The following LMNTD1 variants were observed in gnomAD, a reference collection of about 807,000 sequenced individuals.
LMNTD1 encodes lamin tail domain containing 1.
Under a neutral mutation model 50.9 loss-of-function variants are expected in LMNTD1, and 35 were observed. The ratio of observed to expected loss-of-function variants is 0.69; its 90% CI spans 0.53 to 0.91. LMNTD1 has a LOEUF of 0.91. Among genes scored for constraint, LMNTD1 ranks in the 40% least tolerant of loss-of-function variants. LMNTD1 has a pLI of 0.00. For synonymous variants in LMNTD1, 153 were observed against 161.9 expected (o/e 0.94, Z 0.42); for missense variants, 470 against 475.5 (o/e 0.99, Z 0.11).
intron 1 of LMNTD1, among the ~76,000 whole-genome samples, chr12:25,627,838 G>A (rs977370338): frequency 3.3e-4 from 50 of 152,012 alleles, no homozygotes; most frequent in Non-Finnish European, 3.2e-4. Flanking sequence ...GGCCGGGCGC[G>A]GTGGCTCACG....
At chr12:25,614,181 C>CT (rs1269673879) in intron 1 of LMNTD1, among the ~76,000 whole-genome samples, 2 of 151,972 alleles carry the variant, frequency 1.3e-5, no homozygotes, top group African/African-American at 4.8e-5. Flanking sequence ...GCGATGTCCT[C>CT]TTTTTTTTCT....
chr12:25,609,882 CA>C (rs1946204063), intron 1 of LMNTD1, among the ~76,000 whole-genome samples: 1 of 152,202 alleles, frequency 6.6e-6, no homozygotes, highest in Non-Finnish European at 1.5e-5. Context: ...TCAGAGCTGT[CA>C]GACAGGGATG....
Position 25,487,808 on chromosome 12 carries a change from G to T in LMNTD1, c.*23-11348C>A, listed in dbSNP as rs1202011891. ...TTTCCATGTTTAGCGCTTCCTTCAG[G>T]AGCTTTTAGGGCAGGCCTGGTGGTG... On this transcript the variant is annotated intron_variant, in intron 9 of 9. Coordinates refer to ENST00000458174, the MANE Select transcript of LMNTD1 (RefSeq NM_001145728.2). Among the ~76,000 whole-genome samples the T allele has an allele frequency of 5.6e-4, 45 of 79,932 alleles. 15 individuals are homozygous for T. Among genetic ancestry groups the T allele is most frequent in the Non-Finnish European group, 2.2e-4 (9 of 41,452 alleles). The allele number at this position is 79,932 out of a possible 152,430, so 52.4% of individuals were successfully genotyped here.
intron 1 of LMNTD1, among the ~76,000 whole-genome samples, chr12:25,614,574 G>T (rs1439583859): frequency 1.3e-5 from 2 of 152,120 alleles, no homozygotes; most frequent in African/African-American, 4.8e-5. Context: ...TCCTCCTAAA[G>T]TTAGTTTTCA....
intron 1 of LMNTD1, among the ~76,000 whole-genome samples, chr12:25,639,092 C>T (rs1946897304): frequency 1.3e-5 from 2 of 152,190 alleles, no homozygotes; most frequent in Non-Finnish European, 2.9e-5. Flanking sequence ...ACAAATTATA[C>T]CCAGATAACT....
chr12:25,519,586 T>TTTAAAAAAAAAAAAAAAA (rs781742784), intron 7 of LMNTD1, among the ~76,000 whole-genome samples: 1 of 74,940 alleles, frequency 1.3e-5, no homozygotes, highest in Non-Finnish European at 2.3e-5. Context: ...AGACTCTGTC[T>TTTAAAAAAAAAAAAAAAA]CAAAAAAAAA....
Position 25,615,808 on chromosome 12 carries a change from C to T in LMNTD1, c.58+32686G>A, listed in dbSNP as rs11616151. On this transcript the variant is annotated intron_variant, in intron 1 of 7. Coordinates refer to the LMNTD1 transcript ENST00000445693. ...ATAATTAGAACTTGAGTTGTCATAACAAAATATTAACAGTGTAAGTTGTTA... is the reference window on the plus strand; with the variant it reads ...ATAATTAGAACTTGAGTTGTCATAATAAAATATTAACAGTGTAAGTTGTTA... 8.5e-3 allele frequency among the ~76,000 whole-genome samples: 1,298 copies of T among 152,158 alleles called. 23 individuals carry two copies. The highest frequency in any genetic ancestry group is 0.063 in the East Asian group (327 of 5,184).
chr12:25,506,162 C>T lies in LMNTD1; in HGVS notation c.1190-2362G>A, dbSNP rs77916608. Among the ~76,000 whole-genome samples the T allele has an allele frequency of 5.6e-3, 846 of 152,330 alleles. 4 individuals are homozygous for T. Among genetic ancestry groups the T allele is most frequent in the South Asian group, 7.9e-3 (38 of 4,832 alleles). On this transcript the variant is annotated intron_variant, in intron 8 of 9. Transcript: ENST00000458174. The stretch of plus-strand genomic sequence containing the variant: ...CTATAGATATGATCTTAATGTGGAG[C>T]TCACATTGATGAGATTTTAAGTGTT...
chr12:25,640,668 G>GTT (rs142960852), intron 1 of LMNTD1, among the ~76,000 whole-genome samples: 93 of 148,154 alleles, frequency 6.3e-4, no homozygotes, highest in East Asian at 1.4e-3. Flanking sequence ...GAGGTTTTTT[G>GTT]TTTTTTTTTT....
chr12:25,610,809 A>G (rs1946224111), intron 1 of LMNTD1, among the ~76,000 whole-genome samples: 1 of 152,172 alleles, frequency 6.6e-6, no homozygotes, highest in Non-Finnish European at 1.5e-5. Context: ...GGTCTCATTG[A>G]TTAGATATAA....
intron 8 of LMNTD1, among the ~76,000 whole-genome samples, chr12:25,509,011 C>T (rs1940043189): frequency 6.6e-6 from 1 of 152,094 alleles, no homozygotes; most frequent in Admixed American, 6.5e-5. Flanking sequence ...AACCCAATTT[C>T]TTGGTGATAT....
chr12:25,534,033 A>T (rs1281038072), intron 4 of LMNTD1, among the ~76,000 whole-genome samples: 1 of 152,212 alleles, frequency 6.6e-6, no homozygotes, highest in East Asian at 1.9e-4. Context: ...TAGTTTGATC[A>T]CACCTGAGAC....
rs1051942800 is a variant in LMNTD1 at position 25,648,451 on chromosome 12, G to A, written c.58+43C>T. ...TAAAAAGGAAATGAGGGAAGCCAGC[G>A]AATTGCCTGATGGGGAAAATCCAGC... On this transcript the variant is annotated intron_variant, in intron 1 of 7. Coordinates refer to the LMNTD1 transcript ENST00000445693. 7 of 1,500,180 alleles carry A rather than the reference G, an allele frequency of 4.7e-6. No homozygotes were observed. The South Asian group carries it at 4.8e-5, about 10-fold the overall frequency. 92.9% of individuals were successfully genotyped at this position (1,500,180 alleles called of 1,614,324 possible).
chr12:25,505,357 AAT>A (rs1939675619), intron 8 of LMNTD1, among the ~76,000 whole-genome samples: 1 of 152,198 alleles, frequency 6.6e-6, no homozygotes, highest in Admixed American at 6.5e-5. Context: ...CTTGTTTTGT[AAT>A]ATTGAAATGT....
At chr12:25,502,141 C>T (rs1038501452) in intron 9 of LMNTD1, among the ~76,000 whole-genome samples, 35 of 152,018 alleles carry the variant, frequency 2.3e-4, no homozygotes, top group Admixed American at 7.2e-4. Context: ...GGAAGATCAA[C>T]GAAGGCTAAA....
At position 25,526,857 on chromosome 12, in the gene LMNTD1, T is replaced by C. The variant is rs535308374; in HGVS notation, c.590A>G (p.His197Arg). The C allele has an allele frequency of 4.3e-6, 7 of 1,613,246 alleles. No homozygotes were observed. The highest frequency in any genetic ancestry group is 1.3e-5 in the African/African-American group (1 of 74,912). Reference protein sequence around the residue: ...SLDKEMAIGDHILQQNVNGQT... With the variant: ...SLDKEMAIGDRILQQNVNGQT... ...TCCATTCACATTTTGCTGGAGAATA[T>C]GATCTCCAATTGCCATTTCTTTGTC... The change falls in exon 5 of 10, where the codon CAT becomes CGT. Residue 197 changes from histidine to arginine, a missense_variant. Physicochemically the swap from His to Arg is conservative, Grantham distance 29. Coordinates refer to ENST00000458174, the MANE Select transcript of LMNTD1 (RefSeq NM_001145728.2).
At chr12:25,591,514 CTT>C (rs1050323790) in intron 1 of LMNTD1, among the ~76,000 whole-genome samples, 1 of 152,136 alleles carries the variant, frequency 6.6e-6, no homozygotes, top group African/African-American at 2.4e-5. Context: ...ACTGGATAGA[CTT>C]CTAAGATTTT....
chr12:25,477,642 T>C (rs1464026511), intron 9 of LMNTD1, among the ~76,000 whole-genome samples: 1 of 152,010 alleles, frequency 6.6e-6, no homozygotes, highest in African/African-American at 2.4e-5. Flanking sequence ...AAGATTTGTT[T>C]TTTTCCTGGT....
At chr12:25,601,258 T>C (rs1945964790) in intron 1 of LMNTD1, among the ~76,000 whole-genome samples, 1 of 151,714 alleles carries the variant, frequency 6.6e-6, no homozygotes, top group African/African-American at 2.4e-5. Context: ...AAACAGTTGA[T>C]CTCAGGAAGT....
Sources: gnomAD v4.1 joint callset for allele counts (sites outside exome capture counted in the v4.1 genomes callset) on GRCh38, gnomAD v4.1.1 for gene constraint, MANE v1.5 for transcripts, NCBI Gene and HGNC (gene_info 2026-07-23, HGNC 2026-07-21) for gene names.